ZNF600: variants seen among roughly 807,000 people sequenced by gnomAD.
ZNF600 encodes zinc finger protein 600.
A neutral mutation model predicts 7.3 loss-of-function variants in ZNF600; 4 were observed. The ratio of observed to expected loss-of-function variants is 0.55; its 90% CI spans 0.27 to 1.25. The LOEUF is 1.25. Ranked by LOEUF, ZNF600 falls within the 50% of genes most tolerant of loss-of-function variation. The pLI is 0.12. For missense variants in ZNF600, 911 were observed against 922.1 expected, an observed-to-expected ratio of 0.99 and a Z score of 0.16; for synonymous variants, 290 against 308.9, an observed-to-expected ratio of 0.94 and a Z score of 0.64.
rs747616649 is a variant in ZNF600, at chr19:52,766,896, G to C, written c.1067C>G (p.Ser356Ter). ...AATTCTACGATGACGTGCAAGGTTT[G>C]ATTGCTGATTAAAAGCTTTGTCACA... The change falls in exon 4 of 4, where the codon TCA becomes TGA. Residue 356 changes from serine (S) to a stop codon, truncating the protein, a stop_gained. Coordinates refer to ENST00000648973, the Ensembl canonical transcript of ZNF600. LOFTEE classifies it low-confidence loss of function (END_TRUNC). 2 of 1,614,152 alleles carry C rather than the reference G, an allele frequency of 1.2e-6. No individual in the cohort carries two copies. The highest frequency in any genetic ancestry group is 1.1e-5 in the South Asian group (1 of 91,088).
At chr19:52,810,003 C>G in the ZNF600 span, 1 of 760,902 alleles carries the variant, frequency 1.3e-6, no homozygotes, top group South Asian at 1.5e-5. Flanking sequence ...GCCTGAGGAG[C>G]TGCTGTTGGA....
At chr19:52,820,132 A>G in the ZNF600 span, among the ~76,000 whole-genome samples, 1 of 85,866 alleles carries the variant, frequency 1.2e-5, no homozygotes, top group South Asian at 3.8e-4. Flanking sequence ...TTTTTTTGAG[A>G]CGGAGTCTCG....
the ZNF600 span, among the ~76,000 whole-genome samples, chr19:52,795,894 G>C: frequency 6.8e-6 from 1 of 146,948 alleles, no homozygotes; most frequent in Admixed American, 6.8e-5. Context: ...TAAGAAACAA[G>C]CCGGGCTTGG....
At chr19:52,823,216 T>TTTTGG in the ZNF600 span, among the ~76,000 whole-genome samples, 1 of 151,822 alleles carries the variant, frequency 6.6e-6, no homozygotes, top group Admixed American at 6.6e-5. Flanking sequence ...TTTTGTTTTG[T>TTTTGG]TTTGGTTTGG....
At chr19:52,773,543 G>T (rs141445244) in intron 3 of ZNF600, among the ~76,000 whole-genome samples, 20 of 152,190 alleles carry the variant, frequency 1.3e-4, no homozygotes, top group Admixed American at 3.3e-4. Flanking sequence ...GTTGAAGAAG[G>T]ATGCCCTGGC....
the ZNF600 span, among the ~76,000 whole-genome samples, chr19:52,812,738 C>T: frequency 1.2e-4 from 13 of 104,314 alleles, no homozygotes; most frequent in South Asian, 6.5e-4. Flanking sequence ...TCCCCCTCTG[C>T]GAGAAACACC....
chr19:52,824,159 T>C, the ZNF600 span, among the ~76,000 whole-genome samples: 2 of 151,398 alleles, frequency 1.3e-5, no homozygotes, highest in African/African-American at 2.4e-5. Flanking sequence ...CAAAACAAAA[T>C]AAAACAAAAC....
chr19:52,825,047 G>A, the ZNF600 span, among the ~76,000 whole-genome samples: 2 of 152,028 alleles, frequency 1.3e-5, no homozygotes, highest in South Asian at 2.1e-4. Flanking sequence ...CAGGGCACAT[G>A]GTGCTCTCTC....
chr19:52,830,352 A>C, the ZNF600 span, among the ~76,000 whole-genome samples: 62,186 of 152,062 alleles, frequency 0.41, 15,412 homozygotes, highest in Non-Finnish European at 0.57. Context: ...CAGCAGGCCC[A>C]CAGTGTTCAC....
chr19:52,826,885 C>T, the ZNF600 span, among the ~76,000 whole-genome samples: 64 of 151,752 alleles, frequency 4.2e-4, no homozygotes, highest in Non-Finnish European at 7.8e-4. Context: ...TTCTCACCCA[C>T]CTAAAAAAGA....
At chr19:52,766,080 C>T in exon 4 of ZNF600, 2 of 1,614,156 alleles carry the variant, frequency 1.2e-6, no homozygotes, top group South Asian at 1.1e-5. Flanking sequence ...GGTCTTGCCA[C>T]ACTCATTACA....
the ZNF600 span, among the ~76,000 whole-genome samples, chr19:52,807,247 CT>C: frequency 0.78 from 118,727 of 152,070 alleles, 47,287 homozygotes; most frequent in Non-Finnish European, 0.87. Context: ...CATGCTGGAG[CT>C]TTTCTAGAGT....
intron 3 of ZNF600, among the ~76,000 whole-genome samples, chr19:52,770,380 T>G (rs2062621419): frequency 6.6e-6 from 1 of 152,180 alleles, no homozygotes; most frequent in Non-Finnish European, 1.5e-5. Flanking sequence ...AGGCAAAGGT[T>G]ACAGTGAGCC....
At chr19:52,823,397 G>A in the ZNF600 span, among the ~76,000 whole-genome samples, 5 of 152,036 alleles carry the variant, frequency 3.3e-5, no homozygotes, top group African/African-American at 1.2e-4. Context: ...TGTATTTTCA[G>A]TAGACACGGG....
chr19:52,790,022 G>A (rs1404700399), upstream of ZNF600, among the ~76,000 whole-genome samples: 1 of 152,312 alleles, frequency 6.6e-6, no homozygotes, highest in Non-Finnish European at 1.5e-5. Flanking sequence ...TGAGCCAGGA[G>A]AAGGAATTTC....
chr19:52,786,645 A>G, exon 1 of ZNF600: 3 of 208,078 alleles, frequency 1.4e-5, no homozygotes, highest in South Asian at 1.1e-4. Flanking sequence ...GAGAATTTCC[A>G]GGTCCGTGGG....
chr19:52,765,859 C>T lies in ZNF600; in HGVS notation c.2104G>A (p.Ala702Thr), dbSNP rs781408436. The T allele has an allele frequency of 2.0e-5, 33 of 1,613,986 alleles. No individual in the cohort carries two copies. In the Middle Eastern group the frequency reaches 5.0e-4, roughly 24 times the overall value. ...TCACATTTGTAAAGTTTCTCCCCAG[C>T]ATGAATTCTATGATGAAGTGAAAGT... The change falls in exon 4 of 4, where the codon GCT (alanine) becomes ACT (threonine). Residue 702 changes from alanine (A) to threonine (T), a missense_variant. Transcript: ENST00000648973.
chr19:52,817,183 A>G, the ZNF600 span, among the ~76,000 whole-genome samples: 3 of 152,074 alleles, frequency 2.0e-5, no homozygotes, highest in Non-Finnish European at 4.4e-5. Context: ...GACCAGCCTG[A>G]TCAACATGGA....
chr19:52,767,307 G>C, exon 4 of ZNF600: 1 of 1,614,092 alleles, frequency 6.2e-7, no homozygotes, highest in Non-Finnish European at 8.5e-7. Context: ...CTGTTTTTGT[G>C]GGAGTAGTGA....
Sources: allele counts gnomAD v4.1 joint callset (sites outside exome capture counted in the v4.1 genomes callset), GRCh38; gene constraint gnomAD v4.1.1; transcripts MANE v1.5; gene names NCBI Gene and HGNC (gene_info 2026-07-23, HGNC 2026-07-21).